The following SOX5 variants were observed in gnomAD, a reference collection of about 807,000 sequenced individuals.
SOX5 encodes SRY-box transcription factor 5.
In SOX5, 9 loss-of-function variants were observed where a neutral mutation model predicts 92.0. The observed-to-expected ratio is 0.10, with a 90% CI of 0.06 to 0.17. SOX5 has a LOEUF of 0.17. SOX5 is among the 10% of genes least tolerant of loss of function. The pLI, the probability that SOX5 is intolerant of heterozygous loss-of-function variation, is 1.00. For missense variants in SOX5, 642 were observed against 944.5 expected, an observed-to-expected ratio of 0.68 and a Z score of 4.20; for synonymous variants, 344 against 336.3, an observed-to-expected ratio of 1.02 and a Z score of -0.25.
At chr12:24,183,884 T>C (rs1955757994) in intron 4 of SOX5, among the ~76,000 whole-genome samples, 1 of 152,206 alleles carries the variant, frequency 6.6e-6, no homozygotes, top group South Asian at 2.1e-4. Flanking sequence ...TAGACATTGA[T>C]AGTACCTACT....
chr12:24,276,362 T>TG (rs1944433855), intron 3 of SOX5, among the ~76,000 whole-genome samples: 2 of 152,160 alleles, frequency 1.3e-5, no homozygotes, highest in Non-Finnish European at 2.9e-5. Flanking sequence ...CACTTGCATC[T>TG]TGAAATGGTG....
chr12:23,570,658 C>T (rs1207234842), intron 10 of SOX5, among the ~76,000 whole-genome samples: 3 of 151,570 alleles, frequency 2.0e-5, no homozygotes, highest in Non-Finnish European at 4.4e-5. Context: ...CACCTGTAAT[C>T]CCAGCACTTT....
chr12:24,212,081 C>T (rs1189816108), intron 4 of SOX5, among the ~76,000 whole-genome samples: 1 of 152,202 alleles, frequency 6.6e-6, no homozygotes, highest in Non-Finnish European at 1.5e-5. Context: ...GACACACTTA[C>T]TTTGGCGTAT....
At chr12:24,470,830 C>G (rs994012279) in intron 1 of SOX5, among the ~76,000 whole-genome samples, 2 of 152,132 alleles carry the variant, frequency 1.3e-5, no homozygotes, top group Admixed American at 1.3e-4. Flanking sequence ...ATAGGAAAGT[C>G]TGGCTTGCAG....
chr12:24,128,399 C>T lies in SOX5; in HGVS notation c.-2+84944G>A, dbSNP rs115697414. The stretch of plus-strand genomic sequence containing the variant: ...ACTAGTGGGGGAGAGAGGAAATAAA[C>T]AGTCAAAATGATACCAAATACTGTA... On this transcript the variant is annotated intron_variant, in intron 4 of 4. Coordinates refer to the SOX5 transcript ENST00000446891. Among the ~76,000 whole-genome samples, 1,364 of 152,230 alleles carry T rather than the reference C, an allele frequency of 9.0e-3. 23 individuals are homozygous for T. Among genetic ancestry groups the T allele is most frequent in the African/African-American group, 0.031 (1,294 of 41,522 alleles).
chr12:24,169,967 A>C (rs1011686282), intron 4 of SOX5, among the ~76,000 whole-genome samples: 3 of 152,202 alleles, frequency 2.0e-5, no homozygotes, highest in Non-Finnish European at 4.4e-5. Flanking sequence ...TGAACCACAA[A>C]GGGCGTCCTG....
chr12:23,909,834 A>T (rs904573105), intron 1 of SOX5, among the ~76,000 whole-genome samples: 38 of 151,330 alleles, frequency 2.5e-4, no homozygotes, highest in Middle Eastern at 3.2e-3. Flanking sequence ...ATGCTAGAAC[A>T]TTTTTTTTCC....
chr12:24,034,083 T>C (rs1219298389), intron 4 of SOX5, among the ~76,000 whole-genome samples: 1 of 152,064 alleles, frequency 6.6e-6, no homozygotes, highest in African/African-American at 2.4e-5. Flanking sequence ...ATAACTGTTT[T>C]GATAATCCAG....
intron 4 of SOX5, among the ~76,000 whole-genome samples, chr12:24,093,776 G>A (rs73072186): frequency 6.7e-6 from 1 of 150,344 alleles, no homozygotes; most frequent in Non-Finnish European, 1.5e-5. Context: ...CCTATAGTAT[G>A]TGCTATTTAA....
At chr12:23,730,274 T>C (rs1250171545) in intron 6 of SOX5, among the ~76,000 whole-genome samples, 1 of 152,222 alleles carries the variant, frequency 6.6e-6, no homozygotes, top group Non-Finnish European at 1.5e-5. Flanking sequence ...CTAAAATATT[T>C]ACAAATTTCA....
At chr12:23,607,426 CAA>C (rs1415276725) in intron 8 of SOX5, among the ~76,000 whole-genome samples, 1 of 152,126 alleles carries the variant, frequency 6.6e-6, no homozygotes, top group Non-Finnish European at 1.5e-5. Flanking sequence ...AAGAAGCTGA[CAA>C]TAATTCTTCT....
At chr12:24,360,785 C>T (rs1241971242) in intron 2 of SOX5, among the ~76,000 whole-genome samples, 1 of 152,190 alleles carries the variant, frequency 6.6e-6, no homozygotes, top group Non-Finnish European at 1.5e-5. Context: ...ACATGGAATT[C>T]ACAGGAAAAC....
intron 4 of SOX5, among the ~76,000 whole-genome samples, chr12:24,002,386 C>T (rs1951694577): frequency 6.6e-6 from 1 of 151,868 alleles, no homozygotes; most frequent in Non-Finnish European, 1.5e-5. Flanking sequence ...AGAAACATCA[C>T]TACTGACCTT....
chr12:23,632,917 A>T lies in SOX5; in HGVS notation c.1017+7895T>A, dbSNP rs965952791. On this transcript the variant is annotated intron_variant, in intron 8 of 14. Transcript: ENST00000451604. ...TGACAACTTGGAATTTTGAGCCTTT[A>T]TTCCAAAAATATTATTATGAATTTT... Among the ~76,000 whole-genome samples the T allele has an allele frequency of 2.0e-5, 3 of 152,146 alleles. No homozygotes were observed. In the East Asian group the frequency reaches 5.8e-4, roughly 29 times the overall value.
At chr12:24,315,290 T>C (rs1204844153) in intron 2 of SOX5, among the ~76,000 whole-genome samples, 3 of 152,222 alleles carry the variant, frequency 2.0e-5, no homozygotes, top group Non-Finnish European at 4.4e-5. Flanking sequence ...TAAGAATGTT[T>C]TTTCTATTTT....
chr12:23,764,704 T>C (rs1463046773), intron 3 of SOX5, among the ~76,000 whole-genome samples: 1 of 152,094 alleles, frequency 6.6e-6, no homozygotes, highest in Non-Finnish European at 1.5e-5. Context: ...GTTATTGTTA[T>C]TCAAAATTGT....
At chr12:24,175,160 C>T (rs933617819) in intron 4 of SOX5, among the ~76,000 whole-genome samples, 27 of 152,188 alleles carry the variant, frequency 1.8e-4, no homozygotes, top group South Asian at 2.1e-4. Flanking sequence ...AATATTCCTT[C>T]GCTTCACCTC....
intron 4 of SOX5, among the ~76,000 whole-genome samples, chr12:24,120,982 T>A (rs1948553492): frequency 6.6e-6 from 1 of 152,160 alleles, no homozygotes; most frequent in African/African-American, 2.4e-5. Flanking sequence ...TGGTCCTTAC[T>A]CCCTCATTAT....
chr12:23,553,353 G>A (rs1944555558), intron 11 of SOX5, among the ~76,000 whole-genome samples: 2 of 151,942 alleles, frequency 1.3e-5, no homozygotes, highest in Non-Finnish European at 2.9e-5. Context: ...GAAAACCGCT[G>A]CCACAGGGAG....
Sources: allele counts gnomAD v4.1 joint callset (sites outside exome capture counted in the v4.1 genomes callset), GRCh38; gene constraint gnomAD v4.1.1; transcripts MANE v1.5; gene names NCBI Gene and HGNC (gene_info 2026-07-23, HGNC 2026-07-21).